PRKCB: variants seen among roughly 807,000 people sequenced by gnomAD.
PRKCB encodes the protein protein kinase C beta.
A neutral mutation model predicts 81.5 loss-of-function variants in PRKCB; 13 were observed. The ratio of observed to expected loss-of-function variants is 0.16; its 90% CI spans 0.10 to 0.25. The LOEUF is 0.25. PRKCB is among the 10% of genes least tolerant of loss of function. The pLI is 1.00. For synonymous variants in PRKCB, 335 were observed against 321.4 expected (o/e 1.04, Z -0.45); for missense variants, 509 against 875.7 (o/e 0.58, Z 5.29).
At position 24,039,339 on chromosome 16, in the gene PRKCB, C is replaced by T. The variant is rs147339525; in HGVS notation, c.529+3792C>T. On this transcript the variant is annotated intron_variant, in intron 5 of 16. Coordinates refer to ENST00000643927, the MANE Select transcript of PRKCB (RefSeq NM_002738.7). ...TGCCTCTCATGTTCAAGCGATTCTC[C>T]GGTCTCAGCCTCCCGAGTGGCTAGG... Among the ~76,000 whole-genome samples, 380 of 152,306 alleles carry T rather than the reference C, an allele frequency of 2.5e-3. 3 individuals carry two copies. The highest frequency in any genetic ancestry group is 0.01 in the Middle Eastern group (3 of 294).
At chr16:24,114,773 C>T (rs1411123119) in intron 8 of PRKCB, among the ~76,000 whole-genome samples, 5 of 152,016 alleles carry the variant, frequency 3.3e-5, no homozygotes, top group African/African-American at 9.7e-5. Flanking sequence ...GGCCTACTAA[C>T]TCCCCAAAAA....
chr16:24,029,631 A>G (rs895860506), intron 3 of PRKCB, among the ~76,000 whole-genome samples: 3 of 150,918 alleles, frequency 2.0e-5, no homozygotes, highest in Admixed American at 1.3e-4. Flanking sequence ...AAGTTTTGAA[A>G]AGAACAGTTT....
intron 9 of PRKCB, among the ~76,000 whole-genome samples, chr16:24,141,415 C>T (rs1050706470): frequency 6.6e-6 from 1 of 152,106 alleles, no homozygotes. Flanking sequence ...AGGCTGGTCT[C>T]GAACTCCTGG....
chr16:23,957,962 T>A (rs1964372292), intron 2 of PRKCB, among the ~76,000 whole-genome samples: 1 of 152,194 alleles, frequency 6.6e-6, no homozygotes, highest in Admixed American at 6.5e-5. Flanking sequence ...GTGAAGATTG[T>A]TATTATTATG....
intron 16 of PRKCB, among the ~76,000 whole-genome samples, chr16:24,207,216 G>A (rs1968059663): frequency 6.6e-6 from 1 of 152,186 alleles, no homozygotes; most frequent in Non-Finnish European, 1.5e-5. Flanking sequence ...GCATGTTAAA[G>A]TAGCATCAGG....
intron 2 of PRKCB, among the ~76,000 whole-genome samples, chr16:23,964,494 C>T (rs1964462810): frequency 6.6e-6 from 1 of 152,202 alleles, no homozygotes; most frequent in Non-Finnish European, 1.5e-5. Flanking sequence ...TGGTCTAGAA[C>T]ATTGCCTGGC....
intron 10 of PRKCB, among the ~76,000 whole-genome samples, chr16:24,160,195 T>C (rs1318475309): frequency 2.2e-5 from 3 of 137,548 alleles, no homozygotes; most frequent in African/African-American, 1.0e-4. Context: ...TGGGTGTTTT[T>C]TTTTTTTTTT....
chr16:24,090,563 A>T (rs1266834774), intron 5 of PRKCB, among the ~76,000 whole-genome samples: 1 of 152,188 alleles, frequency 6.6e-6, no homozygotes, highest in Non-Finnish European at 1.5e-5. Flanking sequence ...GAGTAGCTAA[A>T]ATGCACCATA....
At chr16:24,077,432 CAATCCATACATTCATCCATCT>C (rs1165115792) in intron 5 of PRKCB, among the ~76,000 whole-genome samples, 3 of 150,192 alleles carry the variant, frequency 2.0e-5, no homozygotes, top group Non-Finnish European at 4.4e-5. Flanking sequence ...TCCATCCATC[CAATCCATACATTCATCCATCT>C]AATCCATCCA....
intron 2 of PRKCB, among the ~76,000 whole-genome samples, chr16:23,974,579 A>AC (rs1396130110): frequency 6.6e-6 from 1 of 151,980 alleles, no homozygotes; most frequent in African/African-American, 2.4e-5. Flanking sequence ...GAGGCAGAGA[A>AC]CCCCTCGTCC....
chr16:23,889,375 GT>G (rs1451423689), intron 2 of PRKCB, among the ~76,000 whole-genome samples: 1 of 152,230 alleles, frequency 6.6e-6, no homozygotes, highest in Non-Finnish European at 1.5e-5. Context: ...CATTATAAAG[GT>G]TATGTGAGTC....
In PRKCB at chr16:24,183,041, T is replaced by A. The variant is rs554166346; in HGVS notation, c.1534-2070T>A. ...CCAGCTAATTTTTTTTGTATTTTTTTAGTAGAGACGGGGTTTCACCGTGTT... is the reference window on the plus strand; with the variant it reads ...CCAGCTAATTTTTTTTGTATTTTTTAAGTAGAGACGGGGTTTCACCGTGTT... On this transcript the variant is annotated intron_variant, in intron 13 of 16. Transcript: ENST00000643927. 7.2e-5 allele frequency among the ~76,000 whole-genome samples: 11 copies of A among 152,162 alleles called. No individual in the cohort carries two copies. In the East Asian group the frequency reaches 1.7e-3, roughly 24 times the overall value.
intron 12 of PRKCB, 58 bp from the exon 13 acceptor site, chr16:24,180,732 G>A: frequency 6.3e-7 from 1 of 1,577,504 alleles, no homozygotes. Context: ...AGTGGCTGTT[G>A]GTTGGCTTGA....
At chr16:23,953,356 C>T (rs1450911771) in intron 2 of PRKCB, among the ~76,000 whole-genome samples, 3 of 152,210 alleles carry the variant, frequency 2.0e-5, no homozygotes, top group Non-Finnish European at 4.4e-5. Flanking sequence ...AATCTGGCTA[C>T]TGTGTGGGGC....
At chr16:23,894,712 T>C (rs148704806) in intron 2 of PRKCB, among the ~76,000 whole-genome samples, 1 of 152,212 alleles carries the variant, frequency 6.6e-6, no homozygotes, top group East Asian at 1.9e-4. Flanking sequence ...GAAAAATGTA[T>C]GTTCATTGTA....
At chr16:23,908,092 G>T (rs1172971497) in intron 2 of PRKCB, among the ~76,000 whole-genome samples, 2 of 152,140 alleles carry the variant, frequency 1.3e-5, no homozygotes, top group Non-Finnish European at 2.9e-5. Context: ...GAGTGAGATG[G>T]AAGAGGAGAG....
rs553779042 is a variant in PRKCB at position 24,132,479 on chromosome 16, C to T, written c.1065+8498C>T. ...AGGCAATGTCTATGAACAAAACAAACAAATATATCTGCCTGCCCTCATGAA... is the reference window on the plus strand; with the variant it reads ...AGGCAATGTCTATGAACAAAACAAATAAATATATCTGCCTGCCCTCATGAA... On this transcript the variant is annotated intron_variant, in intron 9 of 16. Transcript: ENST00000643927. Among the ~76,000 whole-genome samples, 3 of 152,302 alleles carry T rather than the reference C, an allele frequency of 2.0e-5. No homozygotes were observed. The East Asian group carries it at 5.8e-4, about 29-fold the overall frequency.
At chr16:23,864,955 A>G (rs372342383) in intron 2 of PRKCB, among the ~76,000 whole-genome samples, 1 of 151,910 alleles carries the variant, frequency 6.6e-6, no homozygotes, top group African/African-American at 2.4e-5. Flanking sequence ...CCCAATGTTT[A>G]GTTCCCACTT....
intron 2 of PRKCB, among the ~76,000 whole-genome samples, chr16:23,857,715 A>AGT (rs1962593966): frequency 6.7e-6 from 1 of 149,630 alleles, no homozygotes; most frequent in Non-Finnish European, 1.5e-5. Context: ...AGAGAGAGAG[A>AGT]GAGTGTGTGT....
Sources: gnomAD v4.1 joint callset for allele counts (sites outside exome capture counted in the v4.1 genomes callset) on GRCh38, gnomAD v4.1.1 for gene constraint, MANE v1.5 for transcripts, NCBI Gene and HGNC (gene_info 2026-07-23, HGNC 2026-07-21) for gene names.